The following NADK2 variants were observed in gnomAD, a reference collection of about 807,000 sequenced individuals.
NADK2 encodes NAD kinase domain-containing protein 1, mitochondrial.
A neutral mutation model predicts 62.1 loss-of-function variants in NADK2; 35 were observed. The ratio of observed to expected loss-of-function variants is 0.56; its 90% CI spans 0.43 to 0.75. The LOEUF (loss-of-function observed/expected upper bound fraction) is 0.75. NADK2 is among the 30% of genes least tolerant of loss of function. The pLI, the probability that NADK2 is intolerant of heterozygous loss-of-function variation, is 0.00. For missense variants in NADK2, 439 were observed against 561.3 expected (o/e 0.78, Z 2.20); for synonymous variants, 205 against 207.9 (o/e 0.99, Z 0.12).
chr5:36,202,478 C>T (rs983227055), intron 8 of NADK2, among the ~76,000 whole-genome samples: 2 of 152,066 alleles, frequency 1.3e-5, no homozygotes, highest in African/African-American at 4.8e-5. Flanking sequence ...GATAATGGGA[C>T]AATTCAGAGA....
chr5:36,236,309 A>T (rs1312943692), intron 1 of NADK2, among the ~76,000 whole-genome samples: 1 of 152,232 alleles, frequency 6.6e-6, no homozygotes, highest in Non-Finnish European at 1.5e-5. Context: ...TTTCCTATTT[A>T]ACTGCAAGTA....
At chr5:36,207,720 TTTC>T (rs1400327274) in intron 7 of NADK2, among the ~76,000 whole-genome samples, 50 of 152,258 alleles carry the variant, frequency 3.3e-4, no homozygotes, top group African/African-American at 1.2e-3. Flanking sequence ...TAAACTCTTG[TTTC>T]TTAAGTTACA....
At chr5:36,228,622 ATTT>A (rs35220802) in intron 1 of NADK2, among the ~76,000 whole-genome samples, 1 of 141,992 alleles carries the variant, frequency 7.0e-6, no homozygotes, top group Admixed American at 7.0e-5. Context: ...TCTAGACATG[ATTT>A]TTTTTTTTTT....
chr5:36,211,645 CT>C (rs1746849738), intron 7 of NADK2, among the ~76,000 whole-genome samples, 198 bp downstream of exon 7: 1 of 152,102 alleles, frequency 6.6e-6, no homozygotes, highest in Admixed American at 6.6e-5. Context: ...GTTTCACAAA[CT>C]TTTTTGTCAT....
intron 7 of NADK2, among the ~76,000 whole-genome samples, 167 bp from the exon 8 acceptor site, chr5:36,207,432 AAGTT>A (rs1472764402): frequency 7.4e-6 from 1 of 134,814 alleles, no homozygotes; most frequent in Non-Finnish European, 1.7e-5. Context: ...TTAAGTGAAA[AAGTT>A]AGAAGAAATT....
intron 1 of NADK2, among the ~76,000 whole-genome samples, chr5:36,231,859 G>T (rs79914640): frequency 0.05 from 7,681 of 152,136 alleles, 422 homozygotes; most frequent in South Asian, 0.22. Context: ...CCAATTCTCT[G>T]CAATGTTACA....
At chr5:36,240,370 T>C (rs1248353772) in intron 1 of NADK2, among the ~76,000 whole-genome samples, 2 of 152,244 alleles carry the variant, frequency 1.3e-5, no homozygotes, top group Non-Finnish European at 2.9e-5. Context: ...TAAGCAAAGA[T>C]GATTTACAAT....
At position 36,236,070 on chromosome 5, in the gene NADK2, A is replaced by G. The variant is rs1181887689; in HGVS notation, c.300+5429T>C. Among the ~76,000 whole-genome samples, 3 of 152,240 alleles carry G rather than the reference A, an allele frequency of 2.0e-5. No individual in the cohort carries two copies. The East Asian group carries it at 5.8e-4, about 29-fold the overall frequency. Reference sequence around the variant, plus strand: ...TTAATGTGCATCAAACACAACTATTAGAAGTTAATTTATATAATTAAAAAT... The same window carrying G: ...TTAATGTGCATCAAACACAACTATTGGAAGTTAATTTATATAATTAAAAAT... On this transcript the variant is annotated intron_variant, in intron 1 of 11. Coordinates refer to ENST00000381937, the MANE Select transcript of NADK2 (RefSeq NM_001085411.3).
At chr5:36,222,965 A>G (rs1747331640) in intron 4 of NADK2, among the ~76,000 whole-genome samples, 1 of 152,236 alleles carries the variant, frequency 6.6e-6, no homozygotes, top group Non-Finnish European at 1.5e-5. Flanking sequence ...TCCAAAGTAG[A>G]GGCCAGTGTG....
In NADK2 at chr5:36,194,838, T is replaced by C; in HGVS notation, c.*306A>G. ...ACAGTTAAGTTTCAAATCCTAAATA[T>C]TTAGTCCTTTATTTAAGCCTGCCCC... On this transcript the variant is annotated 3_prime_UTR_variant, in exon 12 of 12. Transcript: ENST00000381937. 4.6e-6 allele frequency: 1 copy of C among 217,948 alleles called. No homozygotes were observed. Among genetic ancestry groups the C allele is most frequent in the Non-Finnish European group, 8.9e-6 (1 of 111,758 alleles). 13.5% of individuals were successfully genotyped at this position (217,948 alleles called of 1,614,324 possible).
In NADK2 at chr5:36,219,729, GGTGAA is replaced by G. The variant is rs1213292952; in HGVS notation, c.561-55_561-51del. 5 of 1,421,680 alleles carry G rather than the reference GGTGAA, an allele frequency of 3.5e-6. No individual in the cohort carries two copies. In the African/African-American group the frequency reaches 7.2e-5, roughly 20 times the overall value. 88.1% of individuals were successfully genotyped at this position (1,421,680 alleles called of 1,614,324 possible). A position where few individuals can be genotyped will look rare whatever the true frequency, so the allele number is the denominator to read the frequency against. The stretch of plus-strand genomic sequence containing the variant: ...GTGATATAAAGAGGAAAAGAAAAAA[GGTGAA>G]GCAAAAAAATTTAATCAAAAGGTAT... On this transcript the variant is annotated intron_variant, in intron 4 of 11. Coordinates refer to ENST00000381937, the MANE Select transcript of NADK2 (RefSeq NM_001085411.3).
At chr5:36,215,398 TAGGATATCCATC>T (rs1269069092) in intron 6 of NADK2, among the ~76,000 whole-genome samples, 1 of 152,210 alleles carries the variant, frequency 6.6e-6, no homozygotes, top group Non-Finnish European at 1.5e-5. Flanking sequence ...TCAGGGTATT[TAGGATATCCATC>T]ACCTCAAATA....
chr5:36,233,385 C>A lies in NADK2; in HGVS notation c.301-5820G>T, dbSNP rs550313583. Among the ~76,000 whole-genome samples the A allele has an allele frequency of 5.3e-5, 8 of 152,244 alleles. No individual in the cohort carries two copies. The South Asian group carries it at 1.2e-3, about 24-fold the overall frequency. ...ATCACCCAATTCCTATGGAGAAAGA[C>A]AGGCTGAGCAAGGGTTGTGTTCTAC... is the stretch of plus-strand genomic sequence containing the variant. On this transcript the variant is annotated intron_variant, in intron 1 of 11. Transcript: ENST00000381937.
In NADK2 at chr5:36,195,206, C is replaced by CA; in HGVS notation, c.1266dup (p.Ala423CysfsTer9). On this transcript the variant is annotated frameshift_variant, in exon 12 of 12. Coordinates refer to ENST00000381937, the MANE Select transcript of NADK2 (RefSeq NM_001085411.3). LOFTEE classifies it high-confidence loss of function. ...TTATTGATCATCATCGAAGCAATTGCACCATCATTAAACTCAAAAGAAGTT... is the reference window on the plus strand; with the variant it reads ...TTATTGATCATCATCGAAGCAATTGCAACCATCATTAAACTCAAAAGAAGTT... 6.2e-7 allele frequency: 1 copy of CA among 1,613,552 alleles called. No homozygotes were observed. Among genetic ancestry groups the CA allele is most frequent in the South Asian group, 1.1e-5 (1 of 90,968 alleles).
intron 8 of NADK2, among the ~76,000 whole-genome samples, chr5:36,201,642 A>G (rs1746450765): frequency 6.6e-6 from 1 of 152,040 alleles, no homozygotes; most frequent in South Asian, 2.1e-4. Flanking sequence ...AAGGTATCAT[A>G]TAGTGTATAT....
chr5:36,225,536 T>TC lies in NADK2; in HGVS notation c.560+5dup, dbSNP rs1747449860. On this transcript the variant is annotated splice_donor_region_variant and intron_variant, in intron 4 of 11. Transcript: ENST00000381937. ...AATCAAACAAAATGTATACGTTCTT[T>TC]CTTACCGTTCTGGATCAGTGTTTAC... 2 of 1,608,130 alleles carry TC rather than the reference T, an allele frequency of 1.2e-6. No homozygotes were observed. Among genetic ancestry groups the TC allele is most frequent in the Middle Eastern group, 1.7e-4 (1 of 6,048 alleles).
intron 1 of NADK2, among the ~76,000 whole-genome samples, chr5:36,230,121 C>G (rs1425703548): frequency 6.6e-6 from 1 of 152,074 alleles, no homozygotes; most frequent in Non-Finnish European, 1.5e-5. Context: ...CAGCATGTCT[C>G]TTCCTCAGCT....
intron 1 of NADK2, among the ~76,000 whole-genome samples, chr5:36,239,781 G>A (rs992744355): frequency 3.9e-5 from 6 of 152,102 alleles, no homozygotes; most frequent in African/African-American, 1.4e-4. Flanking sequence ...TACTACCTCT[G>A]CAATTCACAT....
chr5:36,212,467 A>G (rs1275229118), intron 6 of NADK2, among the ~76,000 whole-genome samples: 1 of 152,102 alleles, frequency 6.6e-6, no homozygotes, highest in African/African-American at 2.4e-5. Flanking sequence ...CTTTTTTTGA[A>G]TCTATAGGGT....
Sources: gnomAD v4.1 joint callset for allele counts (sites outside exome capture counted in the v4.1 genomes callset) on GRCh38, gnomAD v4.1.1 for gene constraint, MANE v1.5 for transcripts, NCBI Gene and HGNC (gene_info 2026-07-23, HGNC 2026-07-21) for gene names.